DENND1B: variants seen among roughly 807,000 people sequenced by gnomAD.
The protein encoded by DENND1B is DENN domain containing 1B.
DENND1B carries 59 observed loss-of-function variants against 90.1 expected under a neutral mutation model. That is an observed-to-expected ratio of 0.65 (90% CI 0.53 to 0.81). The LOEUF is 0.81. Among genes scored for constraint, DENND1B ranks in the 40% least tolerant of loss-of-function variants. The probability of loss-of-function intolerance (pLI) is 0.00; values close to 1 mark genes in which losing one functional copy is unlikely to be tolerated. For missense variants in DENND1B, 862 were observed against 912.6 expected, an observed-to-expected ratio of 0.94 and a Z score of 0.71; for synonymous variants, 337 against 324.6, an observed-to-expected ratio of 1.04 and a Z score of -0.41.
chr1:197,702,994 GT>G (rs1429737792), intron 3 of DENND1B, among the ~76,000 whole-genome samples: 1 of 151,866 alleles, frequency 6.6e-6, no homozygotes, highest in Non-Finnish European at 1.5e-5. Context: ...TTGTTGTTTT[GT>G]TTTTATTTTT....
chr1:197,597,975 A>C (rs921766142), intron 13 of DENND1B, among the ~76,000 whole-genome samples: 3 of 151,864 alleles, frequency 2.0e-5, no homozygotes, highest in Non-Finnish European at 4.4e-5. Flanking sequence ...TATAGGGTTA[A>C]ATAAAATATA....
chr1:197,767,270 T>TA (rs1655814435), intron 2 of DENND1B, among the ~76,000 whole-genome samples: 1 of 152,030 alleles, frequency 6.6e-6, no homozygotes, highest in Admixed American at 6.6e-5. Flanking sequence ...ATATCTATAA[T>TA]AGTACAATAA....
chr1:197,562,635 CCATCTCTCTCCCTCTCCT>C (rs1370425466), intron 15 of DENND1B, among the ~76,000 whole-genome samples: 5 of 151,714 alleles, frequency 3.3e-5, no homozygotes, highest in African/African-American at 1.2e-4. Context: ...GGCTATTCTC[CCATCTCTCTCCCTCTCCT>C]CAGGCTTTCC....
chr1:197,674,765 A>C (rs1250925192), intron 3 of DENND1B, among the ~76,000 whole-genome samples: 1 of 152,112 alleles, frequency 6.6e-6, no homozygotes, highest in Non-Finnish European at 1.5e-5. Context: ...CTCTTAAAGA[A>C]ATGTGTATCT....
chr1:197,640,510 T>C (rs1200847958), intron 10 of DENND1B, among the ~76,000 whole-genome samples: 2 of 151,586 alleles, frequency 1.3e-5, no homozygotes, highest in Non-Finnish European at 2.9e-5. Flanking sequence ...TATTATAAAA[T>C]TATAGCTCAT....
intron 8 of DENND1B, among the ~76,000 whole-genome samples, chr1:197,646,237 T>C (rs1680724241): frequency 6.6e-6 from 1 of 151,844 alleles, no homozygotes; most frequent in South Asian, 2.1e-4. Flanking sequence ...TCACAAGAAA[T>C]CTCTTTTGTA....
intron 14 of DENND1B, among the ~76,000 whole-genome samples, chr1:197,587,255 G>T (rs1187300248): frequency 1.3e-5 from 2 of 152,020 alleles, no homozygotes; most frequent in African/African-American, 2.4e-5. Flanking sequence ...TTCATTCACA[G>T]AAAAGTAAGT....
At chr1:197,659,050 T>G (rs965947987) in intron 5 of DENND1B, among the ~76,000 whole-genome samples, 3 of 151,164 alleles carry the variant, frequency 2.0e-5, no homozygotes, top group Admixed American at 6.6e-5. Context: ...TTTTTTAATG[T>G]CTAAAGATTT....
chr1:197,647,243 A>G (rs1473087981), intron 7 of DENND1B, 129 bp from the exon 8 acceptor site: 5 of 446,044 alleles, frequency 1.1e-5, no homozygotes, highest in African/African-American at 4.1e-5. Flanking sequence ...GAATAATACT[A>G]ATTATAAGTA....
chr1:197,546,010 A>C lies in DENND1B; in HGVS notation c.1282-20T>G. The C allele has an allele frequency of 6.3e-7, 1 of 1,579,088 alleles. No homozygotes were observed. The stretch of plus-strand genomic sequence containing the variant: ...TCCTTTCTGCAAAAGAAAAACAGAA[A>C]CATATTTCCAAAAACTTTTAGCTAA... On this transcript the variant is annotated intron_variant, in intron 17 of 22. Coordinates refer to ENST00000620048, the MANE Select transcript of DENND1B (RefSeq NM_001195215.2).
rs955296947 is a variant in DENND1B, at chr1:197,509,864, T to A, written c.*596A>T. On this transcript the variant is annotated 3_prime_UTR_variant, in exon 23 of 23. Transcript: ENST00000620048. ...GCTATAGTGCTTTATATAAGCAAATTAAATATTTCCATTAAGAGAGCTTTT... is the reference window on the plus strand; with the variant it reads ...GCTATAGTGCTTTATATAAGCAAATAAAATATTTCCATTAAGAGAGCTTTT... The A allele has an allele frequency of 2.6e-5, 4 of 152,162 alleles. No homozygotes were observed. The highest frequency in any genetic ancestry group is 9.7e-5 in the African/African-American group (4 of 41,396). 9.4% of individuals were successfully genotyped at this position (152,162 alleles called of 1,614,324 possible). A position where few individuals can be genotyped will look rare whatever the true frequency, so the allele number is the denominator to read the frequency against.
At chr1:197,666,575 AT>A (rs1654953962) in intron 5 of DENND1B, among the ~76,000 whole-genome samples, 1 of 152,184 alleles carries the variant, frequency 6.6e-6, no homozygotes, top group Non-Finnish European at 1.5e-5. Flanking sequence ...TTCTCAATAA[AT>A]TTTGGCCCTA....
chr1:197,746,990 C>A (rs1652773726), intron 2 of DENND1B: 3 of 970,544 alleles, frequency 3.1e-6, no homozygotes, highest in Non-Finnish European at 5.1e-6. Context: ...ATCCTCTCTT[C>A]AAGGCCTGAT....
intron 3 of DENND1B, chr1:197,689,516 T>G (rs1255296612): frequency 2.0e-5 from 3 of 152,540 alleles, no homozygotes; most frequent in African/African-American, 7.2e-5. Flanking sequence ...GAATCTGAAC[T>G]TGGTATCTCC....
upstream of DENND1B, among the ~76,000 whole-genome samples, chr1:197,778,909 T>A (rs191517158): frequency 9.1e-4 from 138 of 152,272 alleles, 1 homozygote; most frequent in Non-Finnish European, 6.9e-4. Flanking sequence ...AATAGGTACA[T>A]TTTAACTGAT....
At chr1:197,623,162 T>C (rs763583456) in intron 10 of DENND1B, among the ~76,000 whole-genome samples, 39 of 151,406 alleles carry the variant, frequency 2.6e-4, no homozygotes, top group Non-Finnish European at 4.7e-4. Flanking sequence ...GAGGGGCAGA[T>C]TTATATTCCC....
chr1:197,741,223 A>G (rs1009244187), intron 2 of DENND1B, among the ~76,000 whole-genome samples: 1 of 152,150 alleles, frequency 6.6e-6, no homozygotes, highest in Non-Finnish European at 1.5e-5. Flanking sequence ...GAGTCCTCTC[A>G]CTGAAGCAGT....
intron 10 of DENND1B, among the ~76,000 whole-genome samples, chr1:197,636,409 G>T (rs1679797684): frequency 6.6e-6 from 1 of 152,084 alleles, no homozygotes; most frequent in Non-Finnish European, 1.5e-5. Flanking sequence ...GGATGCATTT[G>T]GTTTTATAAG....
intron 15 of DENND1B, among the ~76,000 whole-genome samples, chr1:197,569,238 C>G (rs1023789741): frequency 2.0e-5 from 3 of 151,914 alleles, no homozygotes; most frequent in Non-Finnish European, 4.4e-5. Context: ...TCATGTCATA[C>G]CTGTTAGGAT....
Sources: allele counts gnomAD v4.1 joint callset (sites outside exome capture counted in the v4.1 genomes callset), GRCh38; gene constraint gnomAD v4.1.1; transcripts MANE v1.5; gene names NCBI Gene and HGNC (gene_info 2026-07-23, HGNC 2026-07-21).